The following TMEM120B variants were observed in gnomAD, a reference collection of about 807,000 sequenced individuals.
The protein encoded by TMEM120B is transmembrane protein 120B.
Under a neutral mutation model 55.5 loss-of-function variants are expected in TMEM120B, and 31 were observed. The ratio of observed to expected loss-of-function variants is 0.56; its 90% CI spans 0.42 to 0.75. TMEM120B has a LOEUF of 0.75. Ranked by LOEUF, TMEM120B falls within the 30% of genes least tolerant of loss-of-function variation. The probability of loss-of-function intolerance (pLI) is 0.00; values close to 1 mark genes in which losing one functional copy is unlikely to be tolerated. For missense variants in TMEM120B, 399 were observed against 425.5 expected (o/e 0.94, Z 0.55); for synonymous variants, 203 against 176.3 (o/e 1.15, Z -1.20).
chr12:121,769,714 A>ATGTGTGTGTG (rs1465820562), intron 6 of TMEM120B, among the ~76,000 whole-genome samples: 4 of 39,438 alleles, frequency 1.0e-4, no homozygotes, highest in Admixed American at 6.7e-4. Flanking sequence ...AAAAGAGAAA[A>ATGTGTGTGTG]CGTGTGTGTG....
At chr12:121,768,911 C>G (rs112279125) in intron 6 of TMEM120B, among the ~76,000 whole-genome samples, 1 of 151,968 alleles carries the variant, frequency 6.6e-6, no homozygotes, top group African/African-American at 2.4e-5. Context: ...TTTGGGAGGC[C>G]GAGGCAGGTG....
chr12:121,766,904 G>C (rs142755024), intron 6 of TMEM120B, among the ~76,000 whole-genome samples: 2 of 152,334 alleles, frequency 1.3e-5, no homozygotes, highest in Non-Finnish European at 2.9e-5. Context: ...TTCTAGGAGG[G>C]ATCCTCAGTG....
chr12:121,745,443 T>C (rs1592934969), intron 2 of TMEM120B, among the ~76,000 whole-genome samples: 1 of 152,282 alleles, frequency 6.6e-6, no homozygotes, highest in Non-Finnish European at 1.5e-5. Context: ...CAGGCTGGGG[T>C]GCAGTGGTGC....
chr12:121,771,046 T>C, intron 7 of TMEM120B, 74 bp downstream of exon 7: 2 of 1,516,010 alleles, frequency 1.3e-6, no homozygotes, highest in Non-Finnish European at 1.8e-6. Context: ...GGGAGGGGGC[T>C]GATCCAGACA....
Position 121,750,392 on chromosome 12 carries a change from C to T in TMEM120B, c.318C>T (p.Asn106=), listed in dbSNP as rs375961304. ...YLPKKNGLYL[N]LVLGNVNVTL... ...TGTTTCCTTCCAGGCTCTACTTGAACCTGGTCCTCGGCAATGTGAACGTGA... is the reference window on the plus strand; with the variant it reads ...TGTTTCCTTCCAGGCTCTACTTGAATCTGGTCCTCGGCAATGTGAACGTGA... The change falls in exon 4 of 12, where the codon AAC becomes AAT. Residue 106 remains asparagine (N), a synonymous_variant. Transcript: ENST00000449592. 5.6e-6 allele frequency: 9 copies of T among 1,612,422 alleles called. No individual in the cohort carries two copies. The African/African-American group carries it at 1.2e-4, about 22-fold the overall frequency.
intron 1 of TMEM120B, among the ~76,000 whole-genome samples, chr12:121,730,466 G>A (rs1346430635): frequency 8.8e-6 from 1 of 113,818 alleles, no homozygotes; most frequent in East Asian, 2.5e-4. Context: ...CCAATATGGT[G>A]AAACCCCTTC....
intron 6 of TMEM120B, 77 bp from the exon 7 acceptor site, chr12:121,770,830 T>G: frequency 1.5e-6 from 2 of 1,351,692 alleles, no homozygotes; most frequent in Non-Finnish European, 2.1e-6. Flanking sequence ...CCCTGCTGCA[T>G]AGGTGGGGCC....
chr12:121,719,973 T>TATAG (rs1209414634), intron 1 of TMEM120B, among the ~76,000 whole-genome samples: 1 of 152,184 alleles, frequency 6.6e-6, no homozygotes, highest in African/African-American at 2.4e-5. Context: ...GTGCTGGGAT[T>TATAG]ATAGGCATGA....
In TMEM120B at chr12:121,779,214, A is replaced by T. The variant is rs1874349313; in HGVS notation, c.*3492A>T. ...CATAACTTGAGTCTGCACTGGGGAG[A>T]CACTCGTGGTGGGGGTGGCTGTGAT... On this transcript the variant is annotated 3_prime_UTR_variant, in exon 12 of 12. Coordinates refer to ENST00000449592, the MANE Select transcript of TMEM120B (RefSeq NM_001080825.2). The T allele has an allele frequency of 6.2e-6, 3 of 482,288 alleles. No homozygotes were observed. Among genetic ancestry groups the T allele is most frequent in the Non-Finnish European group, 1.1e-5 (3 of 263,870 alleles). 29.9% of individuals were successfully genotyped at this position (482,288 alleles called of 1,614,324 possible).
intron 6 of TMEM120B, among the ~76,000 whole-genome samples, chr12:121,763,324 G>A (rs1213478787): frequency 6.6e-6 from 1 of 151,740 alleles, no homozygotes; most frequent in Non-Finnish European, 1.5e-5. Context: ...CACCACACCC[G>A]GCTAATTTTT....
At chr12:121,754,861 C>T (rs1873434854) in intron 5 of TMEM120B, among the ~76,000 whole-genome samples, 1 of 152,112 alleles carries the variant, frequency 6.6e-6, no homozygotes, top group Admixed American at 6.6e-5. Context: ...TTGGACGGGC[C>T]GTTCATCTCT....
At chr12:121,767,727 G>C (rs1360204388) in intron 6 of TMEM120B, among the ~76,000 whole-genome samples, 2 of 152,186 alleles carry the variant, frequency 1.3e-5, no homozygotes, top group Non-Finnish European at 2.9e-5. Context: ...GGACGCCTGG[G>C]CTTGTGAATG....
Position 121,770,888 on chromosome 12 carries a change from G to T in TMEM120B, c.552-19G>T, listed in dbSNP as rs566919388. On this transcript the variant is annotated intron_variant, in intron 6 of 11. Transcript: ENST00000449592. ...TGCTCTCCCCTCCTGAGCACTTTCC[G>T]TTCTCTCCCTCTCCCGAGAATTAAA... 1.9e-6 allele frequency: 3 copies of T among 1,613,672 alleles called. No individual in the cohort carries two copies. Among genetic ancestry groups the T allele is most frequent in the South Asian group, 2.2e-5 (2 of 90,940 alleles).
At chr12:121,732,804 C>A (rs1451873865) in intron 1 of TMEM120B, among the ~76,000 whole-genome samples, 1 of 151,938 alleles carries the variant, frequency 6.6e-6, no homozygotes, top group Non-Finnish European at 1.5e-5. Flanking sequence ...ATGGTGAAAC[C>A]CTGTCTCTAC....
intron 2 of TMEM120B, among the ~76,000 whole-genome samples, chr12:121,746,407 G>C (rs551484884): frequency 6.6e-6 from 1 of 152,126 alleles, no homozygotes; most frequent in Admixed American, 6.5e-5. Flanking sequence ...TGCTGGTCTT[G>C]AACTCCCAAC....
At chr12:121,714,352 G>C (rs1035410424) in intron 1 of TMEM120B, among the ~76,000 whole-genome samples, 1 of 151,624 alleles carries the variant, frequency 6.6e-6, no homozygotes, top group African/African-American at 2.4e-5. Flanking sequence ...CGCCTCCCGG[G>C]TTCGAGCCAT....
At position 121,761,709 on chromosome 12, in the gene TMEM120B, G is replaced by A. The variant is rs1366291769; in HGVS notation, c.522G>A (p.Arg174=). The part of the protein sequence containing the change: ...LVWYYCTLTI[R]ESILISNGSR... ...GGTATTACTGCACCCTGACCATTCG[G>A]GAGAGCATTCTCATCAGCAACGGCT... The change falls in exon 6 of 12, where the codon CGG becomes CGA. Residue 174 remains arginine, a synonymous_variant. Coordinates refer to ENST00000449592, the MANE Select transcript of TMEM120B (RefSeq NM_001080825.2). 1.9e-6 allele frequency: 3 copies of A among 1,613,944 alleles called. No homozygotes were observed. The South Asian group carries it at 3.3e-5, about 18-fold the overall frequency.
rs572826931 is a variant in TMEM120B at position 121,736,384 on chromosome 12, T to A, written c.70-7245T>A. Among the ~76,000 whole-genome samples, 5 of 151,192 alleles carry A rather than the reference T, an allele frequency of 3.3e-5. No individual in the cohort carries two copies. The East Asian group carries it at 9.8e-4, about 30-fold the overall frequency. On this transcript the variant is annotated intron_variant, in intron 1 of 11. Transcript: ENST00000449592. ...GGGGTTTTACCATGTTAGCCAGGATTGTCTCGATCTCCTGACCTTGTGATC... is the reference window on the plus strand; with the variant it reads ...GGGGTTTTACCATGTTAGCCAGGATAGTCTCGATCTCCTGACCTTGTGATC...
At chr12:121,764,260 G>A (rs1268314583) in intron 6 of TMEM120B, among the ~76,000 whole-genome samples, 2 of 151,836 alleles carry the variant, frequency 1.3e-5, no homozygotes, top group East Asian at 1.9e-4. Flanking sequence ...GGTGGCTCAT[G>A]CCTGTAATCC....
Sources: gnomAD v4.1 joint callset for allele counts (sites outside exome capture counted in the v4.1 genomes callset) on GRCh38, gnomAD v4.1.1 for gene constraint, MANE v1.5 for transcripts, NCBI Gene and HGNC (gene_info 2026-07-23, HGNC 2026-07-21) for gene names.